The following AP2B1 variants were observed in gnomAD, a reference collection of about 807,000 sequenced individuals.
AP2B1 encodes adaptor related protein complex 2 subunit beta 1.
A neutral mutation model predicts 102.0 loss-of-function variants in AP2B1; 23 were observed. The observed-to-expected ratio is 0.23, with a 90% CI of 0.16 to 0.32. The LOEUF (loss-of-function observed/expected upper bound fraction) is 0.32. Ranked by LOEUF, AP2B1 falls within the 10% of genes least tolerant of loss-of-function variation. AP2B1 has a pLI of 1.00. For missense variants in AP2B1, 541 were observed against 1,157.4 expected, an observed-to-expected ratio of 0.47 and a Z score of 7.73; for synonymous variants, 381 against 421.2, an observed-to-expected ratio of 0.90 and a Z score of 1.17.
chr17:35,599,586 GC>G (rs1437469129), intron 3 of AP2B1, among the ~76,000 whole-genome samples: 11 of 152,140 alleles, frequency 7.2e-5, no homozygotes, highest in African/African-American at 2.7e-4. Flanking sequence ...ACAAAATTAT[GC>G]ATGGATAAAA....
At chr17:35,597,034 G>GC (rs2073310623) in intron 2 of AP2B1, 2 of 599,758 alleles carry the variant, frequency 3.3e-6, no homozygotes, top group African/African-American at 3.7e-5. Context: ...TGGCGGCGAA[G>GC]CCCCGTTGTG....
chr17:35,591,399 C>T (rs1053426845), intron 1 of AP2B1, among the ~76,000 whole-genome samples: 1 of 152,060 alleles, frequency 6.6e-6, no homozygotes, highest in African/African-American at 2.4e-5. Context: ...TCTCGATCTC[C>T]TGAGCTCAAG....
intron 9 of AP2B1, among the ~76,000 whole-genome samples, chr17:35,632,095 T>C (rs2074477703): frequency 6.6e-6 from 1 of 151,746 alleles, no homozygotes. Flanking sequence ...ACTATTTTTT[T>C]TTTTTTTACT....
Position 35,723,832 on chromosome 17 carries a change from C to T in AP2B1, c.*133C>T. 3.1e-6 allele frequency: 2 copies of T among 647,458 alleles called. No homozygotes were observed. The highest frequency in any genetic ancestry group is 1.9e-5 in the South Asian group (1 of 53,372). 40.1% of individuals were successfully genotyped at this position (647,458 alleles called of 1,614,324 possible). On this transcript the variant is annotated 3_prime_UTR_variant, in exon 22 of 22. Transcript: ENST00000610402. The stretch of plus-strand genomic sequence containing the variant: ...CTAGCAAGGTAGTAACTAGTCTAAC[C>T]TGTGCTAACATTAGGGCACAACCTG...
Position 35,690,764 on chromosome 17 carries a change from A to G in AP2B1, c.2454+7940A>G, listed in dbSNP as rs587729950. Among the ~76,000 whole-genome samples the G allele has an allele frequency of 1.1e-4, 17 of 152,218 alleles. No homozygotes were observed. The South Asian group carries it at 3.5e-3, about 32-fold the overall frequency. On this transcript the variant is annotated intron_variant, in intron 18 of 21. Coordinates refer to ENST00000610402, the MANE Select transcript of AP2B1 (RefSeq NM_001030006.2). Reference sequence around the variant, plus strand: ...GTTGCTGTTATATCTTTTTGTTAGTATCTCTATGAATTTATACCTTGAAAA... The same window carrying G: ...GTTGCTGTTATATCTTTTTGTTAGTGTCTCTATGAATTTATACCTTGAAAA...
intron 13 of AP2B1, among the ~76,000 whole-genome samples, chr17:35,651,450 T>A (rs2075083916): frequency 6.6e-6 from 1 of 152,220 alleles, no homozygotes; most frequent in Non-Finnish European, 1.5e-5. Context: ...AACACTCTAA[T>A]AAACTCTTAC....
chr17:35,685,961 CA>C, intron 18 of AP2B1, among the ~76,000 whole-genome samples: 1 of 152,092 alleles, frequency 6.6e-6, no homozygotes, highest in African/African-American at 2.4e-5. Flanking sequence ...GGGGTTTCAC[CA>C]ATGTTAGCCA....
At chr17:35,654,208 C>T (rs1208616429) in intron 13 of AP2B1, among the ~76,000 whole-genome samples, 2 of 151,810 alleles carry the variant, frequency 1.3e-5, no homozygotes, top group Admixed American at 1.3e-4. Flanking sequence ...ACTACAGCTG[C>T]CTCCTACCAC....
chr17:35,595,571 CT>C (rs1158877180), intron 2 of AP2B1, among the ~76,000 whole-genome samples: 4 of 151,998 alleles, frequency 2.6e-5, no homozygotes, highest in Non-Finnish European at 5.9e-5. Context: ...AAAAAGAAAG[CT>C]CCCCAGATTA....
rs1426452631 is a variant in AP2B1, at chr17:35,626,702, T to C, written c.798T>C (p.Phe266=). The C allele has an allele frequency of 6.2e-7, 1 of 1,613,874 alleles. No individual in the cohort carries two copies. The highest frequency in any genetic ancestry group is 1.1e-5 in the South Asian group (1 of 91,048). ...VLSAVKVLMK[F]LELLPKDSDY... ...CAGCGGTAAAAGTCCTAATGAAGTT[T>C]CTAGAATTGTTACCTAAGGATTCTG... The change falls in exon 7 of 22, where the codon TTT becomes TTC. Residue 266 remains phenylalanine, a synonymous_variant. Coordinates refer to ENST00000610402, the MANE Select transcript of AP2B1 (RefSeq NM_001030006.2).
intron 18 of AP2B1, among the ~76,000 whole-genome samples, chr17:35,706,247 T>TA (rs34663798): frequency 0.073 from 11,115 of 152,312 alleles, 466 homozygotes; most frequent in Middle Eastern, 0.11. Flanking sequence ...TAGCACCACT[T>TA]ACCTAGAGGA....
intron 1 of AP2B1, among the ~76,000 whole-genome samples, chr17:35,591,782 G>C (rs1328730274): frequency 2.0e-5 from 3 of 152,022 alleles, no homozygotes; most frequent in Admixed American, 6.6e-5. Flanking sequence ...ATTATGAATG[G>C]ACTAAATGAT....
At chr17:35,589,448 T>C (rs1403777371) in intron 1 of AP2B1, among the ~76,000 whole-genome samples, 1 of 152,238 alleles carries the variant, frequency 6.6e-6, no homozygotes, top group East Asian at 1.9e-4. Flanking sequence ...TTAATTTTTT[T>C]CTGACCTTAT....
chr17:35,671,989 A>G, intron 16 of AP2B1, 89 bp downstream of exon 16: 2 of 1,466,020 alleles, frequency 1.4e-6, no homozygotes, highest in Middle Eastern at 1.8e-4. Context: ...TCTACTGGTA[A>G]TAAATCAAAG....
chr17:35,621,976 T>G (rs2074191671), intron 5 of AP2B1, among the ~76,000 whole-genome samples: 1 of 152,206 alleles, frequency 6.6e-6, no homozygotes, highest in East Asian at 1.9e-4. Flanking sequence ...AAACAGGCAT[T>G]TGGCCTTCTG....
chr17:35,720,574 T>TATATATATATATATATATA (rs57480143), intron 21 of AP2B1, among the ~76,000 whole-genome samples: 5 of 24,748 alleles, frequency 2.0e-4, no homozygotes, highest in South Asian at 4.4e-3. Flanking sequence ...TATATATATA[T>TATATATATATATATATATA]TTTTTTTTTT....
intron 4 of AP2B1, 92 bp downstream of exon 4, chr17:35,605,932 G>A (rs753309730): frequency 5.9e-6 from 9 of 1,525,346 alleles, no homozygotes; most frequent in Non-Finnish European, 7.9e-6. Flanking sequence ...TGTTGGCAAT[G>A]ACTAGGAATG....
chr17:35,680,686 G>GTTTTTTTTGGTT (rs2075799001), intron 17 of AP2B1, among the ~76,000 whole-genome samples: 1 of 59,932 alleles, frequency 1.7e-5, no homozygotes, highest in Admixed American at 1.7e-4. Flanking sequence ...TATGGTTTTG[G>GTTTTTTTTGGTT]TTTTTTTTTT....
chr17:35,645,308 T>C (rs1361688907), intron 12 of AP2B1, among the ~76,000 whole-genome samples: 1 of 152,190 alleles, frequency 6.6e-6, no homozygotes, highest in Non-Finnish European at 1.5e-5. Context: ...AGCAAATTTC[T>C]TTCATACTGC....
Sources: gnomAD v4.1 joint callset for allele counts (sites outside exome capture counted in the v4.1 genomes callset) on GRCh38, gnomAD v4.1.1 for gene constraint, MANE v1.5 for transcripts, NCBI Gene and HGNC (gene_info 2026-07-23, HGNC 2026-07-21) for gene names.